HTRA3: variants seen among roughly 807,000 people sequenced by gnomAD.
HTRA3 encodes the protein serine protease HTRA3.
A neutral mutation model predicts 43.2 loss-of-function variants in HTRA3; 41 were observed. The observed-to-expected ratio is 0.95, with a 90% CI of 0.74 to 1.23. The LOEUF is 1.23. Among genes scored for constraint, HTRA3 ranks in the 50% most tolerant of loss-of-function variants. The probability of loss-of-function intolerance (pLI) is 0.00; values close to 1 mark genes in which losing one functional copy is unlikely to be tolerated. For missense variants in HTRA3, 628 were observed against 647.1 expected (o/e 0.97, Z 0.32); for synonymous variants, 295 against 287.9 (o/e 1.02, Z -0.25).
At position 8,269,763 on chromosome 4, in the gene HTRA3, G is replaced by A. The variant is rs922604322; in HGVS notation, c.-206G>A. ...CCGCCGCCCGCGGACCGTCAGGCTG[G>A]AGGGAGCTGGTCCCTGCGCTCCCTG... On this transcript the variant is annotated 5_prime_UTR_variant, in exon 1 of 9. Transcript: ENST00000307358. 2.5e-5 allele frequency: 4 copies of A among 157,258 alleles called. No individual in the cohort carries two copies. Among genetic ancestry groups the A allele is most frequent in the Middle Eastern group, 3.3e-3 (1 of 304 alleles). The allele number at this position is 157,258 out of a possible 1,614,324, so 9.7% of individuals were successfully genotyped here.
At chr4:8,303,041 C>A (rs1713720191) in intron 7 of HTRA3, among the ~76,000 whole-genome samples, 1 of 152,224 alleles carries the variant, frequency 6.6e-6, no homozygotes, top group Admixed American at 6.5e-5. Flanking sequence ...AGTTAGGGCC[C>A]ACTCTAAACC....
chr4:8,289,314 C>A (rs1467962152), intron 3 of HTRA3, among the ~76,000 whole-genome samples: 1 of 152,230 alleles, frequency 6.6e-6, no homozygotes, highest in Non-Finnish European at 1.5e-5. Flanking sequence ...GTCTCTGTCA[C>A]AACCACGCAT....
At position 8,286,975 on chromosome 4, in the gene HTRA3, C is replaced by G. The variant is rs535034771; in HGVS notation, c.708+192C>G. 1.4e-4 allele frequency among the ~76,000 whole-genome samples: 21 copies of G among 152,270 alleles called. No individual in the cohort carries two copies. The highest frequency in any genetic ancestry group is 5.1e-4 in the African/African-American group (21 of 41,558). On this transcript the variant is annotated intron_variant, in intron 3 of 8. Coordinates refer to ENST00000307358, the MANE Select transcript of HTRA3 (RefSeq NM_053044.5). The surrounding 1 kb of genome is among the most constrained non-coding windows in gnomAD (Gnocchi z 4.9). ...GACCTAGAACCCAGGTCTTTGGACT[C>G]CTTGTCCTGCGCTCCCTGAGCCGCT...
At chr4:8,303,803 C>T (rs975083508) in intron 7 of HTRA3, among the ~76,000 whole-genome samples, 37 of 148,748 alleles carry the variant, frequency 2.5e-4, no homozygotes, top group African/African-American at 8.3e-4. Flanking sequence ...ATTGTCTGTA[C>T]GTTCCGTGAC....
At chr4:8,271,237 C>T (rs1712260424) in intron 1 of HTRA3, among the ~76,000 whole-genome samples, 1 of 152,024 alleles carries the variant, frequency 6.6e-6, no homozygotes, top group South Asian at 2.1e-4. Flanking sequence ...ATTTTTTCTG[C>T]GGTCCGCTGA....
At chr4:8,274,945 G>T (rs1027471998) in intron 1 of HTRA3, among the ~76,000 whole-genome samples, 5 of 152,212 alleles carry the variant, frequency 3.3e-5, no homozygotes, top group African/African-American at 1.2e-4. Flanking sequence ...CTTTTGATTT[G>T]TAATCCTCTT....
In HTRA3 at chr4:8,282,587, C is replaced by A. The variant is rs774931373; in HGVS notation, c.485+51C>A. ...CTGCCTCCTGGTGTCCCCTGGTACA[C>A]CCGCCAGCTGCTGGGGCCCAAACCA... On this transcript the variant is annotated intron_variant, in intron 2 of 8. Coordinates refer to ENST00000307358, the MANE Select transcript of HTRA3 (RefSeq NM_053044.5). 3 of 1,396,142 alleles carry A rather than the reference C, an allele frequency of 2.1e-6. No individual in the cohort carries two copies. In the East Asian group the frequency reaches 7.1e-5, roughly 33 times the overall value. The allele number at this position is 1,396,142 out of a possible 1,614,324, so 86.5% of individuals were successfully genotyped here.
chr4:8,292,958 G>A (rs1713305135), intron 5 of HTRA3, among the ~76,000 whole-genome samples: 1 of 152,178 alleles, frequency 6.6e-6, no homozygotes, highest in Admixed American at 6.5e-5. Context: ...GTGAGATCAG[G>A]GAGGGCTTCC....
In HTRA3 at chr4:8,286,349, A is replaced by G. The variant is rs933667579; in HGVS notation, c.486-212A>G. Among the ~76,000 whole-genome samples, 2 of 152,078 alleles carry G rather than the reference A, an allele frequency of 1.3e-5. No homozygotes were observed. The highest frequency in any genetic ancestry group is 2.9e-5 in the Non-Finnish European group (2 of 68,010). On this transcript the variant is annotated intron_variant, in intron 2 of 8. Coordinates refer to ENST00000307358, the MANE Select transcript of HTRA3 (RefSeq NM_053044.5). This position sits in a 1 kb window ranked among gnomAD's most constrained non-coding sequence, Gnocchi z 4.9. ...CAAATTGCAGCGAGAGGTGATCATCATCACCTCTTTATGGCTGTGAATGGG... is the reference window on the plus strand; with the variant it reads ...CAAATTGCAGCGAGAGGTGATCATCGTCACCTCTTTATGGCTGTGAATGGG...
intron 6 of HTRA3, among the ~76,000 whole-genome samples, chr4:8,302,247 G>A (rs1056121406): frequency 1.3e-5 from 2 of 152,122 alleles, no homozygotes; most frequent in Non-Finnish European, 1.5e-5. Flanking sequence ...CCTGTGGGGC[G>A]AGCCACACTA....
intron 1 of HTRA3, among the ~76,000 whole-genome samples, chr4:8,275,284 A>T (rs1422697021): frequency 6.6e-6 from 1 of 152,076 alleles, no homozygotes; most frequent in Admixed American, 6.5e-5. Context: ...CTGCCCTCCC[A>T]TGCAGCCCCA....
chr4:8,301,262 TTCACACTCATCTTTATTATTGAG>T lies in HTRA3; in HGVS notation c.1052-1178_1052-1156del, dbSNP rs1243391035. Among the ~76,000 whole-genome samples, 167 of 123,324 alleles carry T rather than the reference TTCACACTCATCTTTATTATTGAG, an allele frequency of 1.4e-3. 1 individual carries two copies. The highest frequency in any genetic ancestry group is 4.9e-3 in the African/African-American group (156 of 31,624). 80.9% of individuals were successfully genotyped at this position (123,324 alleles called of 152,430 possible). On this transcript the variant is annotated intron_variant, in intron 6 of 8. Coordinates refer to ENST00000307358, the MANE Select transcript of HTRA3 (RefSeq NM_053044.5). ...ATTGATTCACACTCAGCTTTATTGATTCACACTCATCTTTATTATTGAGTCACACTCATCTTTATTATTGATTC... is the reference window on the plus strand; with the variant it reads ...ATTGATTCACACTCAGCTTTATTGATTCACACTCATCTTTATTATTGATTC...
intron 7 of HTRA3, among the ~76,000 whole-genome samples, chr4:8,303,674 GTC>G (rs1248491547): frequency 1.3e-5 from 2 of 152,112 alleles, no homozygotes; most frequent in Non-Finnish European, 2.9e-5. Flanking sequence ...TTTGTTTTCT[GTC>G]TCTTTTATCT....
At chr4:8,273,349 C>A (rs1414091562) in intron 1 of HTRA3, among the ~76,000 whole-genome samples, 1 of 152,168 alleles carries the variant, frequency 6.6e-6, no homozygotes, top group Non-Finnish European at 1.5e-5. Flanking sequence ...GCCGGTCACA[C>A]TTAGTGGTGT....
intron 1 of HTRA3, among the ~76,000 whole-genome samples, chr4:8,280,108 G>A (rs1450271883): frequency 6.6e-6 from 1 of 152,170 alleles, no homozygotes; most frequent in East Asian, 1.9e-4. Context: ...TCGTGCAGGG[G>A]GAGGTGTAGA....
At chr4:8,305,375 G>A (rs1016904747) in intron 8 of HTRA3, among the ~76,000 whole-genome samples, 2 of 152,266 alleles carry the variant, frequency 1.3e-5, no homozygotes, top group South Asian at 2.1e-4. Flanking sequence ...AGCCAGGGAG[G>A]TGCAGGCTCC....
intron 7 of HTRA3, 103 bp downstream of exon 7, chr4:8,302,614 G>A: frequency 7.4e-6 from 8 of 1,073,910 alleles, no homozygotes; most frequent in Non-Finnish European, 1.1e-5. Context: ...CCTTGCAGGT[G>A]CCCAGACGGG....
chr4:8,285,304 G>T (rs377340831), intron 2 of HTRA3, among the ~76,000 whole-genome samples: 1 of 152,198 alleles, frequency 6.6e-6, no homozygotes, highest in Non-Finnish European at 1.5e-5. Context: ...CCCTTGCAGG[G>T]TGCCCATGAG....
chr4:8,283,298 A>AC (rs1340595327), intron 2 of HTRA3, among the ~76,000 whole-genome samples: 4 of 151,976 alleles, frequency 2.6e-5, no homozygotes, highest in African/African-American at 4.8e-5. Context: ...GTGTGGCTTC[A>AC]CCCCCGAGCA....
Sources: gnomAD v4.1 joint callset for allele counts (sites outside exome capture counted in the v4.1 genomes callset) on GRCh38, gnomAD v4.1.1 for gene constraint, Gnocchi (gnomAD v3.1) non-coding constraint, MANE v1.5 for transcripts, NCBI Gene and HGNC (gene_info 2026-07-23, HGNC 2026-07-21) for gene names.